DUSP22: variants seen among roughly 807,000 people sequenced by gnomAD.
DUSP22 encodes the protein dual specificity protein phosphatase 22.
Under a neutral mutation model 24.5 loss-of-function variants are expected in DUSP22, and 24 were observed. The observed-to-expected ratio is 0.98, with a 90% confidence interval of 0.71 to 1.38. The LOEUF (loss-of-function observed/expected upper bound fraction) is 1.38. Among genes scored for constraint, DUSP22 ranks in the 40% most tolerant of loss-of-function variants. The pLI is 0.00. For synonymous variants in DUSP22, 160 were observed against 106.4 expected, an observed-to-expected ratio of 1.50 and a Z score of -3.10; for missense variants, 330 against 269.2, an observed-to-expected ratio of 1.23 and a Z score of -1.58.
At chr6:320,164 G>T (rs1415566959) in intron 3 of DUSP22, 1 of 152,632 alleles carries the variant, frequency 6.6e-6, no homozygotes, top group African/African-American at 2.4e-5. Context: ...CTAAATCAAA[G>T]AACTCTTTTG....
At chr6:342,308 C>G (rs1413267362) in intron 4 of DUSP22, among the ~76,000 whole-genome samples, 1 of 152,296 alleles carries the variant, frequency 6.6e-6, no homozygotes, top group African/African-American at 2.4e-5. Flanking sequence ...AAGAGACCCA[C>G]ACAGAACAGA....
chr6:328,918 A>G (rs888010142), intron 3 of DUSP22, among the ~76,000 whole-genome samples: 33 of 152,410 alleles, frequency 2.2e-4, no homozygotes, highest in African/African-American at 7.5e-4. Flanking sequence ...TCCAGGTGTA[A>G]TCTTCCTTGG....
chr6:318,014 T>A (rs993029647), intron 3 of DUSP22, among the ~76,000 whole-genome samples: 6 of 152,306 alleles, frequency 3.9e-5, no homozygotes, highest in Non-Finnish European at 7.3e-5. Context: ...GTTAGTGCAA[T>A]GCAGCCTCGC....
intron 3 of DUSP22, among the ~76,000 whole-genome samples, chr6:324,928 G>A (rs537461490): frequency 1.1e-4 from 17 of 152,424 alleles, no homozygotes; most frequent in Admixed American, 3.3e-4. Context: ...TCCCAGCAGC[G>A]CTTCGTGCCT....
intron 3 of DUSP22, chr6:325,987 T>C (rs55672894): frequency 1.8e-5 from 4 of 227,360 alleles, no homozygotes; most frequent in South Asian, 1.5e-4. Flanking sequence ...CAATGCTGTA[T>C]CTGCTGGTGC....
At chr6:327,842 G>T (rs1457442137) in intron 3 of DUSP22, among the ~76,000 whole-genome samples, 3 of 152,426 alleles carry the variant, frequency 2.0e-5, no homozygotes, top group Middle Eastern at 6.8e-3. Flanking sequence ...CAGAACATGT[G>T]GGGAGACTAA....
chr6:340,769 C>T (rs908085070), intron 4 of DUSP22, among the ~76,000 whole-genome samples: 3 of 152,306 alleles, frequency 2.0e-5, no homozygotes, highest in Admixed American at 1.3e-4. Context: ...GGTGCTCAGC[C>T]AGATCTCTGG....
intron 5 of DUSP22, among the ~76,000 whole-genome samples, chr6:347,573 A>T (rs1759942841): frequency 6.6e-6 from 1 of 152,302 alleles, no homozygotes; most frequent in Non-Finnish European, 1.5e-5. Flanking sequence ...CCTGCTCTGT[A>T]CTCTGCATAT....
At chr6:328,767 C>T (rs1481348195) in intron 3 of DUSP22, among the ~76,000 whole-genome samples, 15 of 152,418 alleles carry the variant, frequency 9.8e-5, no homozygotes, top group African/African-American at 3.6e-4. Flanking sequence ...TATTTATCTG[C>T]CGTGGCGGCT....
intron 4 of DUSP22, among the ~76,000 whole-genome samples, chr6:341,083 C>T (rs1032970443): frequency 1.7e-4 from 26 of 152,294 alleles, no homozygotes; most frequent in African/African-American, 4.8e-4. Flanking sequence ...GGGCAGTTTG[C>T]GAGTCCCCTC....
At chr6:335,355 TGTGGTTGACTG>T (rs1364221379) in intron 4 of DUSP22, among the ~76,000 whole-genome samples, 192 bp downstream of exon 4, 1 of 152,302 alleles carries the variant, frequency 6.6e-6, no homozygotes, top group Non-Finnish European at 1.5e-5. Context: ...GGAGGCTCCT[TGTGGTTGACTG>T]GTCCTTCCAT....
intron 4 of DUSP22, among the ~76,000 whole-genome samples, chr6:339,404 T>C (rs1416600922): frequency 6.6e-6 from 1 of 152,312 alleles, no homozygotes; most frequent in African/African-American, 2.4e-5. Context: ...ATGATTATAT[T>C]TTCTGTCTAT....
At position 350,779 on chromosome 6, in the gene DUSP22, T is replaced by A; in HGVS notation, c.*1828T>A. ...CAGTGTATTCTTGGAGTTCTTGAAATGTTGTTTTAATATTTGTTGCCAGTA... is the reference window on the plus strand; with the variant it reads ...CAGTGTATTCTTGGAGTTCTTGAAAAGTTGTTTTAATATTTGTTGCCAGTA... On this transcript the variant is annotated 3_prime_UTR_variant, in exon 7 of 7. Transcript: ENST00000419235. The A allele has an allele frequency of 6.2e-7, 1 of 1,613,908 alleles. No individual in the cohort carries two copies. The highest frequency in any genetic ancestry group is 8.5e-7 in the Non-Finnish European group (1 of 1,179,708).
chr6:322,056 A>G (rs1289615619), intron 3 of DUSP22, among the ~76,000 whole-genome samples: 5 of 152,270 alleles, frequency 3.3e-5, no homozygotes, highest in African/African-American at 9.6e-5. Context: ...ATCACAGTGT[A>G]TCTACATAGT....
intron 3 of DUSP22, among the ~76,000 whole-genome samples, chr6:330,016 G>T (rs1239145885): frequency 6.6e-6 from 1 of 152,298 alleles, no homozygotes; most frequent in Non-Finnish European, 1.5e-5. Context: ...TGTGGTGGAG[G>T]GTCAGTGTGA....
intron 4 of DUSP22, among the ~76,000 whole-genome samples, chr6:343,613 A>G (rs1759717187): frequency 6.6e-6 from 1 of 151,680 alleles, no homozygotes; most frequent in Non-Finnish European, 1.5e-5. Flanking sequence ...TTGGTCCCCT[A>G]GGGATTTGTG....
At chr6:327,484 C>T (rs1266708284) in intron 3 of DUSP22, among the ~76,000 whole-genome samples, 2 of 152,308 alleles carry the variant, frequency 1.3e-5, no homozygotes. Context: ...TCATGCATTC[C>T]TTTCTTCATT....
intron 2 of DUSP22, among the ~76,000 whole-genome samples, chr6:307,636 G>C (rs1757870369): frequency 6.6e-6 from 1 of 152,306 alleles, no homozygotes; most frequent in South Asian, 2.1e-4. Context: ...TGGGCCGGAG[G>C]GTGGGTCCGT....
chr6:317,879 C>T (rs1186055103), intron 3 of DUSP22, among the ~76,000 whole-genome samples: 2 of 152,296 alleles, frequency 1.3e-5, no homozygotes, highest in East Asian at 1.9e-4. Context: ...CATTTAGCCC[C>T]GTTCCAAAGT....
Sources: allele counts gnomAD v4.1 joint callset (sites outside exome capture counted in the v4.1 genomes callset), GRCh38; gene constraint gnomAD v4.1.1; transcripts MANE v1.5; gene names NCBI Gene and HGNC (gene_info 2026-07-23, HGNC 2026-07-21).